FGL1: variants seen among roughly 807,000 people sequenced by gnomAD.
The protein encoded by FGL1 is fibrinogen like 1, also known as fibrinogen-like protein 1.
In FGL1, 59 loss-of-function variants were observed where a neutral mutation model predicts 43.7. The observed-to-expected ratio is 1.35, with a 90% CI of 1.10 to 1.68. The LOEUF is 1.68. Ranked by LOEUF, FGL1 falls within the 40% of genes most tolerant of loss-of-function variation. FGL1 has a pLI of 0.00. For synonymous variants in FGL1, 192 were observed against 126.5 expected (o/e 1.52, Z -3.48); for missense variants, 596 against 373.0 (o/e 1.60, Z -4.92).
At chr8:17,883,002 T>C (rs2053565743) in intron 2 of FGL1, among the ~76,000 whole-genome samples, 1 of 96,720 alleles carries the variant, frequency 1.0e-5, no homozygotes, top group Non-Finnish European at 1.7e-5. Flanking sequence ...TCATATGTAA[T>C]ATATTAAATA....
chr8:17,874,389 C>A lies in FGL1; in HGVS notation c.377G>T (p.Arg126Leu), dbSNP rs768389622. 14 of 1,613,668 alleles carry A rather than the reference C, an allele frequency of 8.7e-6. No individual in the cohort carries two copies. The Middle Eastern group carries it at 4.9e-4, about 57-fold the overall frequency. Residue 126 changes from arginine (R) to leucine (L), a missense_variant, in exon 4 of 8, where the codon CGA becomes CTA. By Grantham distance (102) the Arg-to-Leu change is moderately radical. Transcript: ENST00000427924. ...DGGGWTVIQRRSDGSENFNRG... is the reference protein window; with the variant it reads ...DGGGWTVIQRLSDGSENFNRG... Reference sequence around the variant, plus strand: ...GTTAAAGTTTTCACTGCCATCAGATCGTCTCTGAATTACAGTCCATCCTCC... The same window carrying A: ...GTTAAAGTTTTCACTGCCATCAGATAGTCTCTGAATTACAGTCCATCCTCC...
In FGL1 at chr8:17,882,075, C is replaced by T. The variant is rs1170910065; in HGVS notation, c.168G>A (p.Gln56=). The T allele has an allele frequency of 6.2e-7, 1 of 1,614,076 alleles. No homozygotes were observed. The highest frequency in any genetic ancestry group is 8.5e-7 in the Non-Finnish European group (1 of 1,180,002). The change falls in exon 3 of 8, where the codon CAG becomes CAA. Residue 56 remains glutamine, a synonymous_variant. Transcript: ENST00000427924. ...QQQVKIKQLL[Q]ENEVQFLDKG... ...TATCAAGGAACTGGACTTCATTCTC[C>T]TGCAAAAGCTGCTTGATCTTGACCT...
chr8:17,874,701 C>G (rs1044153341), intron 3 of FGL1, 180 bp from the exon 4 acceptor site: 1 of 414,050 alleles, frequency 2.4e-6, no homozygotes, highest in Non-Finnish European at 4.1e-6. Context: ...GTTTTATTTC[C>G]TTTGCTAAAA....
intron 3 of FGL1, among the ~76,000 whole-genome samples, chr8:17,880,052 A>G (rs1175199735): frequency 6.6e-6 from 1 of 152,090 alleles, no homozygotes; most frequent in Non-Finnish European, 1.5e-5. Flanking sequence ...CATCCCTTAA[A>G]CGATAGTCCG....
rs1585148327 is a variant in FGL1, at chr8:17,886,458, A to G, written c.-17-887T>C. 3.6e-5 allele frequency among the ~76,000 whole-genome samples: 3 copies of G among 83,030 alleles called. No individual in the cohort carries two copies. The East Asian group carries it at 7.4e-4, about 20-fold the overall frequency. The allele number at this position is 83,030 out of a possible 152,430, so 54.5% of individuals were successfully genotyped here. ...TGCAATGTCAGCAAGTTGGTAGATGATAAAAAGGCATGTGGGGGGCCTGGT... is the reference window on the plus strand; with the variant it reads ...TGCAATGTCAGCAAGTTGGTAGATGGTAAAAAGGCATGTGGGGGGCCTGGT... On this transcript the variant is annotated intron_variant, in intron 1 of 7. Transcript: ENST00000427924.
intron 1 of FGL1, 177 bp downstream of exon 1, chr8:17,895,270 A>G (rs2053758221): frequency 2.0e-6 from 2 of 1,015,220 alleles, no homozygotes; most frequent in Non-Finnish European, 2.4e-6. Context: ...ATCTGTAACA[A>G]AAGATACATA....
intron 1 of FGL1, among the ~76,000 whole-genome samples, chr8:17,891,006 C>G (rs188384438): frequency 2.3e-4 from 35 of 152,262 alleles, no homozygotes; most frequent in Admixed American, 2.0e-3. Context: ...ATATCTCTAT[C>G]ACAATGGATT....
At position 17,878,481 on chromosome 8, in the gene FGL1, G is replaced by C. The variant is rs544392376; in HGVS notation, c.244+3518C>G. On this transcript the variant is annotated intron_variant, in intron 3 of 7. Coordinates refer to ENST00000427924, the MANE Select transcript of FGL1 (RefSeq NM_004467.4). ...ACTCACATGCAGACTGGGGGCTCCT[G>C]AAGAAGGGGAGATGCTGGAGCCAGT... 2.0e-5 allele frequency among the ~76,000 whole-genome samples: 3 copies of C among 152,272 alleles called. No individual in the cohort carries two copies. In the South Asian group the frequency reaches 6.2e-4, roughly 32 times the overall value.
intron 2 of FGL1, among the ~76,000 whole-genome samples, chr8:17,884,640 A>T (rs34247352): frequency 0.078 from 11,916 of 152,256 alleles, 948 homozygotes; most frequent in African/African-American, 0.2. Flanking sequence ...CTGGGTCCTG[A>T]GTTGTTTTAC....
intron 5 of FGL1, among the ~76,000 whole-genome samples, chr8:17,869,978 C>T (rs747583810): frequency 6.6e-6 from 1 of 151,996 alleles, no homozygotes; most frequent in Non-Finnish European, 1.5e-5. Context: ...GGCATGGTGG[C>T]GGGCACCTGT....
At chr8:17,891,618 C>A in intron 1 of FGL1, 7 of 925,486 alleles carry the variant, frequency 7.6e-6, no homozygotes, top group Non-Finnish European at 9.0e-6. Context: ...GGGGGCACAG[C>A]TGAACCTAGC....
intron 1 of FGL1, among the ~76,000 whole-genome samples, chr8:17,889,742 A>C (rs773665007): frequency 1.3e-5 from 2 of 152,214 alleles, no homozygotes; most frequent in Non-Finnish European, 2.9e-5. Flanking sequence ...TTGCCTGGTT[A>C]ATCCTTTCTT....
rs146639128 is a variant in FGL1 at position 17,882,174 on chromosome 8, G to A, written c.69C>T (p.Leu23=). The part of the protein sequence containing the change: ...ALTMGREISA[L]EDCAQEQMRL... Reference sequence around the variant, plus strand: ...GCATCTGCTCCTGGGCACAGTCCTCGAGCGCCTGCAAAACAGGTGAGATGA... The same window carrying A: ...GCATCTGCTCCTGGGCACAGTCCTCAAGCGCCTGCAAAACAGGTGAGATGA... Residue 23 remains leucine, a synonymous_variant, in exon 3 of 8, where the codon CTC becomes CTT. Coordinates refer to ENST00000427924, the MANE Select transcript of FGL1 (RefSeq NM_004467.4). 9 of 1,612,490 alleles carry A rather than the reference G, an allele frequency of 5.6e-6. No homozygotes were observed. In the South Asian group the frequency reaches 6.6e-5, roughly 12 times the overall value.
chr8:17,890,210 T>A (rs942826179), intron 1 of FGL1, among the ~76,000 whole-genome samples: 1 of 152,198 alleles, frequency 6.6e-6, no homozygotes, highest in African/African-American at 2.4e-5. Context: ...CCACCTCTAT[T>A]GCTAATGTCT....
chr8:17,885,742 A>C, intron 1 of FGL1, 171 bp from the exon 2 acceptor site: 1 of 591,466 alleles, frequency 1.7e-6, no homozygotes, highest in South Asian at 2.1e-5. Context: ...ACACAGAATG[A>C]CACTGAGTGT....
At chr8:17,880,104 C>T (rs1034442635) in intron 3 of FGL1, among the ~76,000 whole-genome samples, 4 of 152,178 alleles carry the variant, frequency 2.6e-5, no homozygotes, top group Admixed American at 2.0e-4. Context: ...GTCCCTGGTT[C>T]CTCTTGGCTC....
chr8:17,887,264 TC>T (rs1345099933), intron 1 of FGL1, among the ~76,000 whole-genome samples: 1 of 152,172 alleles, frequency 6.6e-6, no homozygotes, highest in Non-Finnish European at 1.5e-5. Context: ...ATTGGAGGAT[TC>T]TCCATCAAAG....
chr8:17,877,883 T>TATAATA (rs1201095488), intron 3 of FGL1, among the ~76,000 whole-genome samples: 1 of 152,206 alleles, frequency 6.6e-6, no homozygotes, highest in Non-Finnish European at 1.5e-5. Context: ...AAAACAAGGC[T>TATAATA]ATAATAATGT....
At chr8:17,891,854 C>T in intron 1 of FGL1, 1 of 956,080 alleles carries the variant, frequency 1.0e-6, no homozygotes, top group Non-Finnish European at 1.2e-6. Flanking sequence ...TTATGCTTTT[C>T]ATAAACTTTT....
Sources: gnomAD v4.1 joint callset for allele counts (sites outside exome capture counted in the v4.1 genomes callset) on GRCh38, gnomAD v4.1.1 for gene constraint, MANE v1.5 for transcripts, NCBI Gene and HGNC (gene_info 2026-07-23, HGNC 2026-07-21) for gene names.